Variants in TENM3 observed in about 807,000 individuals in gnomAD.
TENM3 encodes teneurin-3.
A neutral mutation model predicts 255.1 loss-of-function variants in TENM3; 63 were observed. The ratio of observed to expected loss-of-function variants is 0.25; its 90% CI spans 0.20 to 0.30. TENM3 has a LOEUF of 0.30. TENM3 is among the 10% of genes least tolerant of loss of function. TENM3 has a pLI of 1.00. For synonymous variants in TENM3, 1,306 were observed against 1,322.3 expected, an observed-to-expected ratio of 0.99 and a Z score of 0.27; for missense variants, 2,929 against 3,461.1, an observed-to-expected ratio of 0.85 and a Z score of 3.86.
chr4:181,619,312 G>T, the TENM3 span, among the ~76,000 whole-genome samples: 1 of 152,042 alleles, frequency 6.6e-6, no homozygotes, highest in Non-Finnish European at 1.5e-5. Context: ...CTGTGATCCT[G>T]TTTGTGTGAT....
At chr4:182,246,021 C>G (rs1757619710) in intron 1 of TENM3, among the ~76,000 whole-genome samples, 1 of 152,168 alleles carries the variant, frequency 6.6e-6, no homozygotes, top group African/African-American at 2.4e-5. Flanking sequence ...CTCCCTGGCT[C>G]TGCAAGTCAC....
chr4:181,657,888 G>A, the TENM3 span, among the ~76,000 whole-genome samples: 3 of 152,126 alleles, frequency 2.0e-5, no homozygotes, highest in African/African-American at 7.2e-5. Context: ...GCAGAAACAG[G>A]AAAACAAAAA....
the TENM3 span, among the ~76,000 whole-genome samples, chr4:181,708,519 G>T: frequency 3.9e-5 from 6 of 152,028 alleles, 1 homozygote; most frequent in African/African-American, 1.4e-4. Flanking sequence ...GTTTCTGGGG[G>T]GTTGTTTGGC....
the TENM3 span, among the ~76,000 whole-genome samples, chr4:181,677,208 C>T: frequency 3.7e-3 from 558 of 152,110 alleles, 5 homozygotes; most frequent in Middle Eastern, 6.8e-3. Flanking sequence ...TCTCCAGTTC[C>T]GACGTCTGAT....
At chr4:182,000,996 T>A in the TENM3 span, among the ~76,000 whole-genome samples, 1 of 105,010 alleles carries the variant, frequency 9.5e-6, no homozygotes, top group East Asian at 2.9e-4. Flanking sequence ...AAGGCAGTTT[T>A]CTTTCCTTTT....
the TENM3 span, among the ~76,000 whole-genome samples, chr4:182,031,318 C>T: frequency 6.6e-6 from 1 of 152,136 alleles, no homozygotes; most frequent in Non-Finnish European, 1.5e-5. Context: ...GGAATTATTT[C>T]TCCATTATTT....
At chr4:182,254,335 T>TC (rs201101288) in intron 1 of TENM3, among the ~76,000 whole-genome samples, 1,717 of 149,084 alleles carry the variant, frequency 0.012, 28 homozygotes, top group African/African-American at 0.038. Flanking sequence ...CTCTCTCTCT[T>TC]TTTTTTTTTG....
the TENM3 span, among the ~76,000 whole-genome samples, chr4:181,588,607 G>T: frequency 6.6e-6 from 1 of 152,134 alleles, no homozygotes; most frequent in Non-Finnish European, 1.5e-5. Flanking sequence ...TGACTATGAA[G>T]CTGCTTTGAG....
chr4:182,357,337 A>C (rs866378129), intron 3 of TENM3, among the ~76,000 whole-genome samples: 1 of 151,588 alleles, frequency 6.6e-6, no homozygotes. Flanking sequence ...CCCACCAACA[A>C]TGTAAAAGTG....
At chr4:181,842,939 TA>T in the TENM3 span, among the ~76,000 whole-genome samples, 1 of 152,196 alleles carries the variant, frequency 6.6e-6, no homozygotes, top group East Asian at 1.9e-4. Flanking sequence ...CCTCTATTTT[TA>T]CTTACTCTGT....
chr4:181,870,677 G>A, the TENM3 span, among the ~76,000 whole-genome samples: 108 of 151,978 alleles, frequency 7.1e-4, 1 homozygote, highest in African/African-American at 2.5e-3. Flanking sequence ...TTTGCTTTTT[G>A]GATGTTTTCC....
chr4:182,703,661 A>G (rs982894007), intron 12 of TENM3, among the ~76,000 whole-genome samples: 2 of 152,220 alleles, frequency 1.3e-5, no homozygotes, highest in African/African-American at 2.4e-5. Flanking sequence ...TTTGTTTACT[A>G]TTTTCATAAA....
At chr4:182,597,982 C>T (rs766956667) in intron 3 of TENM3, among the ~76,000 whole-genome samples, 1 of 152,104 alleles carries the variant, frequency 6.6e-6, no homozygotes, top group African/African-American at 2.4e-5. Context: ...GAGTTCGAGA[C>T]CAGTCTGGGC....
At chr4:181,948,222 A>C in the TENM3 span, among the ~76,000 whole-genome samples, 1 of 152,114 alleles carries the variant, frequency 6.6e-6, no homozygotes, top group Admixed American at 6.6e-5. Flanking sequence ...GAGGTTCTTC[A>C]TTTGCCAAAT....
the TENM3 span, among the ~76,000 whole-genome samples, chr4:181,914,019 G>A: frequency 1.1e-4 from 16 of 152,280 alleles, no homozygotes; most frequent in East Asian, 3.9e-4. Context: ...TGTCTATTGC[G>A]ATCACCTCTC....
the TENM3 span, among the ~76,000 whole-genome samples, chr4:181,994,465 T>C: frequency 2.0e-5 from 3 of 152,240 alleles, no homozygotes; most frequent in East Asian, 5.8e-4. Flanking sequence ...TACAGAATAG[T>C]TCAGTGGCTT....
At chr4:181,474,987 T>G in the TENM3 span, among the ~76,000 whole-genome samples, 1 of 152,082 alleles carries the variant, frequency 6.6e-6, no homozygotes, top group Non-Finnish European at 1.5e-5. Flanking sequence ...GCAATAAATA[T>G]CTTAAAATGA....
the TENM3 span, among the ~76,000 whole-genome samples, chr4:181,719,010 T>C: frequency 2.0e-5 from 3 of 151,678 alleles, no homozygotes; most frequent in South Asian, 2.1e-4. Flanking sequence ...ATCGAGACCA[T>C]CCTGGCTAAC....
At chr4:181,544,865 T>C in the TENM3 span, among the ~76,000 whole-genome samples, 6,737 of 152,306 alleles carry the variant, frequency 0.044, 229 homozygotes, top group South Asian at 0.15. Flanking sequence ...TGGGTCTTCA[T>C]AGAGAGGGAA....
Sources: allele counts gnomAD v4.1 joint callset (sites outside exome capture counted in the v4.1 genomes callset), GRCh38; gene constraint gnomAD v4.1.1; transcripts MANE v1.5; gene names NCBI Gene and HGNC (gene_info 2026-07-23, HGNC 2026-07-21).